Variants in RBFOX1 observed in about 807,000 individuals in gnomAD.
RBFOX1 encodes the protein RNA binding protein fox-1 homolog 1.
In RBFOX1, 8 loss-of-function variants were observed where a neutral mutation model predicts 57.7. That is an observed-to-expected ratio of 0.14 (90% CI 0.08 to 0.25). RBFOX1 has a LOEUF of 0.25. RBFOX1 is among the 10% of genes least tolerant of loss of function. The pLI is 1.00. For missense variants in RBFOX1, 611 were observed against 548.5 expected (o/e 1.11, Z -1.14); for synonymous variants, 326 against 222.4 (o/e 1.47, Z -4.15).
At chr16:5,428,419 C>G (rs1013659435) in intron 1 of RBFOX1, among the ~76,000 whole-genome samples, 2 of 152,124 alleles carry the variant, frequency 1.3e-5, no homozygotes, top group Admixed American at 6.5e-5. Context: ...CGAGTGGACA[C>G]TAAGTGCCAG....
At chr16:6,851,357 T>C (rs771846831) in intron 3 of RBFOX1, among the ~76,000 whole-genome samples, 1 of 152,140 alleles carries the variant, frequency 6.6e-6, no homozygotes, top group Non-Finnish European at 1.5e-5. Context: ...GGCTGTGATA[T>C]TTATAGTTTT....
rs59934126 is a variant in RBFOX1 at position 7,394,235 on chromosome 16, C to CAAAAA, written c.28-123887_28-123883dup. Among the ~76,000 whole-genome samples the CAAAAA allele has an allele frequency of 4.3e-3, 238 of 55,032 alleles. 8 individuals are homozygous for CAAAAA. Among genetic ancestry groups the CAAAAA allele is most frequent in the African/African-American group, 0.014 (169 of 11,938 alleles). The allele number at this position is 55,032 out of a possible 152,430, so 36.1% of individuals were successfully genotyped here. A position where few individuals can be genotyped will look rare whatever the true frequency, so the allele number is the denominator to read the frequency against. On this transcript the variant is annotated intron_variant, in intron 4 of 15. Transcript: ENST00000550418. Reference sequence around the variant, plus strand: ...TGGGCAACAGAGCAAGACTCCGCATCAAAAAAAAAAAAAAAAAAAAAAAAA... The same window carrying CAAAAA: ...TGGGCAACAGAGCAAGACTCCGCATCAAAAAAAAAAAAAAAAAAAAAAAAAAAAAA...
chr16:5,864,479 T>C (rs1294259931), intron 3 of RBFOX1, among the ~76,000 whole-genome samples: 1 of 151,970 alleles, frequency 6.6e-6, no homozygotes, highest in African/African-American at 2.4e-5. Flanking sequence ...TCTCCTTTGA[T>C]ACATTTTTCA....
chr16:6,517,420 T>G (rs1017960954), intron 2 of RBFOX1, among the ~76,000 whole-genome samples: 1 of 152,172 alleles, frequency 6.6e-6, no homozygotes, highest in Non-Finnish European at 1.5e-5. Flanking sequence ...CCCTGAAGTC[T>G]CTCTTTCTCC....
chr16:6,810,218 A>G (rs970328913), intron 3 of RBFOX1, among the ~76,000 whole-genome samples: 1 of 152,106 alleles, frequency 6.6e-6, no homozygotes, highest in Non-Finnish European at 1.5e-5. Flanking sequence ...CTATCCAGAA[A>G]ATGTCCATCC....
chr16:5,986,183 C>T (rs1411040932), intron 4 of RBFOX1, among the ~76,000 whole-genome samples: 2 of 151,970 alleles, frequency 1.3e-5, no homozygotes, highest in Admixed American at 1.3e-4. Context: ...CCTGCCTCAG[C>T]CTCCCAGGTA....
At chr16:5,889,159 G>A (rs1378669703) in intron 4 of RBFOX1, among the ~76,000 whole-genome samples, 2 of 152,156 alleles carry the variant, frequency 1.3e-5, no homozygotes, top group Non-Finnish European at 2.9e-5. Flanking sequence ...GTGTGCCATG[G>A]TGGTTTGCTG....
chr16:5,974,289 C>T (rs962690695), intron 4 of RBFOX1, among the ~76,000 whole-genome samples: 6 of 152,148 alleles, frequency 3.9e-5, no homozygotes, highest in African/African-American at 1.4e-4. Context: ...CCTTATTTCT[C>T]ATCAAAGAGA....
chr16:5,888,478 C>G (rs1280762795), intron 4 of RBFOX1, among the ~76,000 whole-genome samples: 1 of 152,096 alleles, frequency 6.6e-6, no homozygotes, highest in Non-Finnish European at 1.5e-5. Context: ...ATACTGAAAC[C>G]ATAGTTGCCA....
At chr16:7,341,266 G>C (rs2096885430) in intron 4 of RBFOX1, among the ~76,000 whole-genome samples, 1 of 152,122 alleles carries the variant, frequency 6.6e-6, no homozygotes, top group Non-Finnish European at 1.5e-5. Context: ...TTTCCTCTGA[G>C]CAACCGAGAC....
chr16:6,620,410 A>C (rs1467954110), intron 2 of RBFOX1, among the ~76,000 whole-genome samples: 1 of 152,204 alleles, frequency 6.6e-6, no homozygotes, highest in Non-Finnish European at 1.5e-5. Context: ...ATCTCAAGGT[A>C]ACAAGTTAAC....
chr16:7,494,724 A>T (rs1042050172), intron 4 of RBFOX1, among the ~76,000 whole-genome samples: 5 of 152,154 alleles, frequency 3.3e-5, no homozygotes, highest in African/African-American at 1.2e-4. Context: ...CCAGCATTTG[A>T]ACAACAGGCC....
At chr16:7,455,531 C>T (rs1456867533) in intron 4 of RBFOX1, among the ~76,000 whole-genome samples, 1 of 152,038 alleles carries the variant, frequency 6.6e-6, no homozygotes, top group Non-Finnish European at 1.5e-5. Flanking sequence ...GTGGCTCATG[C>T]CTGTAATCCT....
At chr16:6,743,900 C>T (rs1457421026) in intron 3 of RBFOX1, among the ~76,000 whole-genome samples, 1 of 149,860 alleles carries the variant, frequency 6.7e-6, no homozygotes, top group East Asian at 1.9e-4. Flanking sequence ...GGATATTAAC[C>T]ATTCATCTAT....
chr16:6,287,313 A>C (rs1978316), intron 1 of RBFOX1, among the ~76,000 whole-genome samples: 2 of 152,144 alleles, frequency 1.3e-5, no homozygotes, highest in East Asian at 3.9e-4. Context: ...TGCCAGCTCT[A>C]TCTTGTCTAT....
intron 3 of RBFOX1, among the ~76,000 whole-genome samples, chr16:5,833,623 G>C (rs1380872123): frequency 1.3e-5 from 2 of 151,990 alleles, no homozygotes. Flanking sequence ...GACACTTTTA[G>C]AGGGTCTCCT....
At chr16:6,655,938 T>C (rs1389294698) in intron 3 of RBFOX1, among the ~76,000 whole-genome samples, 1 of 152,216 alleles carries the variant, frequency 6.6e-6, no homozygotes, top group Non-Finnish European at 1.5e-5. Context: ...CCACACATTA[T>C]TTTAGGGAGT....
chr16:6,474,308 G>T (rs564082315), intron 2 of RBFOX1, among the ~76,000 whole-genome samples: 1 of 152,128 alleles, frequency 6.6e-6, no homozygotes, highest in Admixed American at 6.5e-5. Flanking sequence ...CTGTTTTCAG[G>T]ACCCTTTAAT....
intron 4 of RBFOX1, among the ~76,000 whole-genome samples, chr16:5,967,397 C>G (rs2059867844): frequency 6.6e-6 from 1 of 152,110 alleles, no homozygotes; most frequent in Non-Finnish European, 1.5e-5. Flanking sequence ...GATTTCCAGG[C>G]TCATTTTATA....
Sources: gnomAD v4.1 joint callset for allele counts (sites outside exome capture counted in the v4.1 genomes callset) on GRCh38, gnomAD v4.1.1 for gene constraint, MANE v1.5 for transcripts, NCBI Gene and HGNC (gene_info 2026-07-23, HGNC 2026-07-21) for gene names.